Variants in ESRRB observed in about 807,000 individuals in gnomAD.
ESRRB encodes estrogen related receptor beta.
ESRRB carries 16 observed loss-of-function variants against 46.0 expected under a neutral mutation model. The observed-to-expected ratio is 0.35, with a 90% confidence interval of 0.24 to 0.53. ESRRB has a LOEUF of 0.53. Among genes scored for constraint, ESRRB ranks in the 20% least tolerant of loss-of-function variants. The pLI is 0.93. For synonymous variants in ESRRB, 246 were observed against 259.6 expected (o/e 0.95, Z 0.50); for missense variants, 488 against 607.4 (o/e 0.80, Z 2.07).
At chr14:76,367,339 G>A (rs1361608626), upstream of ESRRB, among the ~76,000 whole-genome samples, 1 of 151,996 alleles carries the variant, frequency 6.6e-6, no homozygotes, top group Non-Finnish European at 1.5e-5. Flanking sequence ...AGGATCACTC[G>A]AGCACAGGAG....
At chr14:76,476,970 T>C (rs984547310) in intron 3 of ESRRB, among the ~76,000 whole-genome samples, 44 of 152,348 alleles carry the variant, frequency 2.9e-4, no homozygotes, top group African/African-American at 1.1e-3. Flanking sequence ...CACGCACCTG[T>C]GGTCCCAGCT....
At chr14:76,354,957 C>A (rs964150326) in intron 1 of ESRRB, among the ~76,000 whole-genome samples, 7 of 151,992 alleles carry the variant, frequency 4.6e-5, no homozygotes, top group Admixed American at 4.6e-4. Context: ...GTGATCCACC[C>A]ACCTCAGCCT....
chr14:76,383,561 C>T (rs1366063432), intron 1 of ESRRB, among the ~76,000 whole-genome samples: 1 of 152,088 alleles, frequency 6.6e-6, no homozygotes, highest in South Asian at 2.1e-4. Flanking sequence ...TAGCATTTTC[C>T]TTTGTCTTCA....
chr14:76,353,976 G>T (rs1238499646), intron 1 of ESRRB, among the ~76,000 whole-genome samples: 2 of 151,976 alleles, frequency 1.3e-5, no homozygotes, highest in African/African-American at 2.4e-5. Flanking sequence ...TAAAAATAAA[G>T]AAAAGAAAAG....
chr14:76,348,991 C>T (rs1884282392), intron 1 of ESRRB, among the ~76,000 whole-genome samples: 1 of 152,228 alleles, frequency 6.6e-6, no homozygotes, highest in Admixed American at 6.5e-5. Flanking sequence ...CGTGAGTCAT[C>T]TCCAAGCAGG....
intron 1 of ESRRB, among the ~76,000 whole-genome samples, chr14:76,335,883 G>A (rs781222381): frequency 6.6e-6 from 1 of 152,178 alleles, no homozygotes; most frequent in South Asian, 2.1e-4. Flanking sequence ...CACTTTGCTG[G>A]CGTAGTTAAT....
intron 1 of ESRRB, among the ~76,000 whole-genome samples, chr14:76,313,130 G>C (rs1356478423): frequency 2.1e-5 from 3 of 139,912 alleles, no homozygotes; most frequent in Non-Finnish European, 4.8e-5. Context: ...ATAGGGGCTT[G>C]TCTGACCGTG....
chr14:76,493,955 C>G (rs1028959005), intron 6 of ESRRB, among the ~76,000 whole-genome samples: 1 of 152,214 alleles, frequency 6.6e-6, no homozygotes, highest in Non-Finnish European at 1.5e-5. Context: ...CGGATCAGAG[C>G]CCTGCATGGG....
At chr14:76,351,085 G>C (rs1884308271) in intron 1 of ESRRB, among the ~76,000 whole-genome samples, 1 of 152,198 alleles carries the variant, frequency 6.6e-6, no homozygotes, top group Non-Finnish European at 1.5e-5. Context: ...CTTTGCACCT[G>C]TGCATCACCT....
chr14:76,448,732 C>T (rs1888258971), intron 2 of ESRRB, among the ~76,000 whole-genome samples: 1 of 150,126 alleles, frequency 6.7e-6, no homozygotes, highest in African/African-American at 2.5e-5. Context: ...AATCCCCAAA[C>T]AAAGTGATCT....
At chr14:76,370,936 G>A (rs892963525), upstream of ESRRB, among the ~76,000 whole-genome samples, 1 of 152,096 alleles carries the variant, frequency 6.6e-6, no homozygotes, top group Non-Finnish European at 1.5e-5. Context: ...TCAGAAAAAA[G>A]AAAAACGAAT....
chr14:76,393,965 T>TG (rs1885568353), intron 1 of ESRRB, among the ~76,000 whole-genome samples: 1 of 116,810 alleles, frequency 8.6e-6, no homozygotes, highest in African/African-American at 3.2e-5. Context: ...CATGCCTGGC[T>TG]AATTTTTTTT....
intron 1 of ESRRB, among the ~76,000 whole-genome samples, chr14:76,420,382 T>C (rs1886889173): frequency 1.3e-5 from 2 of 152,170 alleles, no homozygotes; most frequent in African/African-American, 4.8e-5. Context: ...CCATATCAGT[T>C]AGTCACTGGG....
chr14:76,476,629 T>C (rs1286455613), intron 3 of ESRRB, among the ~76,000 whole-genome samples: 3 of 152,362 alleles, frequency 2.0e-5, no homozygotes, highest in South Asian at 2.1e-4. Flanking sequence ...GAGAACCTGA[T>C]AGCTAGCAGC....
At chr14:76,338,324 G>A (rs1448622736) in intron 1 of ESRRB, among the ~76,000 whole-genome samples, 11 of 152,188 alleles carry the variant, frequency 7.2e-5, no homozygotes, top group Admixed American at 6.5e-4. Context: ...GGCTGCTGGA[G>A]GGGAGAGTGC....
chr14:76,486,700 T>C (rs1890036169), intron 5 of ESRRB, among the ~76,000 whole-genome samples: 1 of 152,022 alleles, frequency 6.6e-6, no homozygotes, highest in South Asian at 2.1e-4. Context: ...GAGCTCCAAG[T>C]GGGAGCATGA....
At chr14:76,428,260 A>G (rs2139905340) in intron 1 of ESRRB, among the ~76,000 whole-genome samples, 1 of 152,310 alleles carries the variant, frequency 6.6e-6, no homozygotes, top group East Asian at 1.9e-4. Flanking sequence ...GGCCTCCCAA[A>G]GCGCTGGGAT....
At position 76,499,224 on chromosome 14, in the gene ESRRB, C is replaced by T. The variant is rs879838594; in HGVS notation, c.*766C>T. 7 of 259,688 alleles carry T rather than the reference C, an allele frequency of 2.7e-5. No individual in the cohort carries two copies. The highest frequency in any genetic ancestry group is 6.7e-5 in the African/African-American group (3 of 44,446). The allele number at this position is 259,688 out of a possible 1,614,324, so 16.1% of individuals were successfully genotyped here. ...ACCCAGTGGGTTCAGCCAGCCACAG[C>T]GACTCCAGGGGCTGTAGACAGGAAC... On this transcript the variant is annotated 3_prime_UTR_variant, in exon 7 of 7. Transcript: ENST00000644823.
chr14:76,389,018 C>T (rs890870438), intron 1 of ESRRB, among the ~76,000 whole-genome samples: 1 of 152,150 alleles, frequency 6.6e-6, no homozygotes. Flanking sequence ...ATCCTCATGT[C>T]TCTTTAGGCA....
Sources: allele counts gnomAD v4.1 joint callset (sites outside exome capture counted in the v4.1 genomes callset), GRCh38; gene constraint gnomAD v4.1.1; transcripts MANE v1.5; gene names NCBI Gene and HGNC (gene_info 2026-07-23, HGNC 2026-07-21).